RNF2: variants seen among roughly 807,000 people sequenced by gnomAD.
RNF2 encodes the protein E3 ubiquitin-protein ligase RING2.
Under a neutral mutation model 37.2 loss-of-function variants are expected in RNF2, and 6 were observed. That is an observed-to-expected ratio of 0.16 (90% CI 0.09 to 0.32). The LOEUF (loss-of-function observed/expected upper bound fraction) is 0.32, where lower values mean the gene tolerates loss of function less well. RNF2 is among the 10% of genes least tolerant of loss of function. The pLI, the probability that RNF2 is intolerant of heterozygous loss-of-function variation, is 1.00. For missense variants in RNF2, 251 were observed against 404.0 expected, an observed-to-expected ratio of 0.62 and a Z score of 3.25; for synonymous variants, 133 against 132.7, an observed-to-expected ratio of 1.00 and a Z score of -0.02.
chr1:185,073,975 C>T (rs1440118580), intron 1 of RNF2, among the ~76,000 whole-genome samples: 2 of 152,318 alleles, frequency 1.3e-5, no homozygotes, highest in East Asian at 3.9e-4. Context: ...AAGCCCATGC[C>T]TCATGTACTT....
At chr1:185,099,277 A>G (rs1652008648) in intron 5 of RNF2, among the ~76,000 whole-genome samples, 1 of 151,894 alleles carries the variant, frequency 6.6e-6, no homozygotes, top group South Asian at 2.1e-4. Context: ...CGAACTCCTG[A>G]CCTCAAGTGA....
rs535447445 is a variant in RNF2, at chr1:185,101,195, T to C, written c.*894T>C. 67 of 152,710 alleles carry C rather than the reference T, an allele frequency of 4.4e-4. No homozygotes were observed. Among genetic ancestry groups the C allele is most frequent in the African/African-American group, 1.5e-3 (62 of 41,586 alleles). 9.5% of individuals were successfully genotyped at this position (152,710 alleles called of 1,614,324 possible). A position where few individuals can be genotyped will look rare whatever the true frequency, so the allele number is the denominator to read the frequency against. ...TAGCCTTGATGAAAAGTACAAGATA[T>C]GTTCAAAGCTTCCCTAATTTTTTTC... On this transcript the variant is annotated 3_prime_UTR_variant, in exon 7 of 7. Transcript: ENST00000367510.
At chr1:185,090,318 A>C (rs560318441) in intron 2 of RNF2, among the ~76,000 whole-genome samples, 4 of 152,264 alleles carry the variant, frequency 2.6e-5, no homozygotes, top group Admixed American at 6.5e-5. Flanking sequence ...GGAGGAGAAC[A>C]TAGATGGTTG....
chr1:185,079,079 CT>C (rs58085875), intron 1 of RNF2, among the ~76,000 whole-genome samples: 195 of 130,278 alleles, frequency 1.5e-3, no homozygotes, highest in Middle Eastern at 4.2e-3. Context: ...TAGATCTTTT[CT>C]TTTTTTTTTT....
At chr1:185,077,621 C>CTTTTTTTTT (rs1553241118) in intron 1 of RNF2, among the ~76,000 whole-genome samples, 1 of 111,582 alleles carries the variant, frequency 9.0e-6, no homozygotes, top group African/African-American at 3.9e-5. Flanking sequence ...TAGGAATTAA[C>CTTTTTTTTT]TTTGTTTTTT....
chr1:185,072,815 CT>C (rs1472213635), intron 1 of RNF2, among the ~76,000 whole-genome samples: 2 of 152,106 alleles, frequency 1.3e-5, no homozygotes, highest in Non-Finnish European at 2.9e-5. Context: ...TGGCACGCGC[CT>C]GTAGTCCCAG....
At chr1:185,086,170 C>T (rs1651595559) in intron 1 of RNF2, among the ~76,000 whole-genome samples, 1 of 152,172 alleles carries the variant, frequency 6.6e-6, no homozygotes, top group South Asian at 2.1e-4. Context: ...CCCCAATCCA[C>T]CTCTATAATT....
intron 1 of RNF2, among the ~76,000 whole-genome samples, chr1:185,053,610 CTCA>C (rs1270327587): frequency 6.6e-6 from 1 of 152,124 alleles, no homozygotes; most frequent in Non-Finnish European, 1.5e-5. Flanking sequence ...TCCTTGGCCT[CTCA>C]AAGTGCTGGG....
Position 185,098,277 on chromosome 1 carries a change from A to T in RNF2, c.670A>T (p.Ser224Cys), listed in dbSNP as rs753487875. The T allele has an allele frequency of 6.2e-7, 1 of 1,614,204 alleles. No homozygotes were observed. The highest frequency in any genetic ancestry group is 8.5e-7 in the Non-Finnish European group (1 of 1,180,014). Reference sequence around the variant, plus strand: ...AATTGATCCAGTAATGGATGGTGCTAGTGAAATTGAATTAGTATTCAGGCC... The same window carrying T: ...AATTGATCCAGTAATGGATGGTGCTTGTGAAATTGAATTAGTATTCAGGCC... Reference protein sequence around the residue: ...MAIDPVMDGASEIELVFRPHP... With the variant: ...MAIDPVMDGACEIELVFRPHP... Residue 224 changes from serine to cysteine, a missense_variant, in exon 5 of 7, where the codon AGT becomes TGT. Around this residue, in one of 7 missense-constraint regions of RNF2, gnomAD observed 94 missense variants for 99.2 expected, o/e 0.95. Coordinates refer to ENST00000367510, the MANE Select transcript of RNF2 (RefSeq NM_007212.4).
intron 1 of RNF2, among the ~76,000 whole-genome samples, chr1:185,058,435 C>G (rs1422328464): frequency 2.0e-5 from 3 of 152,108 alleles, no homozygotes; most frequent in African/African-American, 7.2e-5. Flanking sequence ...TCCTTACTTT[C>G]ATCAGATTCT....
In RNF2 at chr1:185,066,713, A is replaced by G. The variant is rs187619214; in HGVS notation, c.-2-20839A>G. Among the ~76,000 whole-genome samples, 6 of 152,354 alleles carry G rather than the reference A, an allele frequency of 3.9e-5. No homozygotes were observed. In the East Asian group the frequency reaches 1.2e-3, roughly 29 times the overall value. On this transcript the variant is annotated intron_variant, in intron 1 of 6. Transcript: ENST00000367510. The stretch of plus-strand genomic sequence containing the variant: ...ATGGGTAGGCAAAGGGACAGAAAGA[A>G]AATAAGGCTGCTGCTGTTATAATTA...
chr1:185,059,183 A>C (rs1650526959), intron 1 of RNF2, among the ~76,000 whole-genome samples: 1 of 152,038 alleles, frequency 6.6e-6, no homozygotes, highest in African/African-American at 2.4e-5. Context: ...AATTGTTTCA[A>C]GAATGAAAAA....
At chr1:185,045,997 G>C (rs535536423) in intron 1 of RNF2, 1 of 152,052 alleles carries the variant, frequency 6.6e-6, no homozygotes, top group Non-Finnish European at 1.5e-5. Flanking sequence ...CGGTCCCCTC[G>C]CCTCCGGGGG....
At chr1:185,053,519 C>A (rs1650330701) in intron 1 of RNF2, among the ~76,000 whole-genome samples, 1 of 151,684 alleles carries the variant, frequency 6.6e-6, no homozygotes, top group Admixed American at 6.6e-5. Context: ...TTCTTTCTTT[C>A]TTTTTTCTTT....
chr1:185,046,731 A>G (rs141992737), intron 1 of RNF2, among the ~76,000 whole-genome samples: 1 of 152,192 alleles, frequency 6.6e-6, no homozygotes, highest in Non-Finnish European at 1.5e-5. Flanking sequence ...AAATTAAGGC[A>G]TGGTTTCAGT....
At chr1:185,052,726 C>T (rs142105320) in intron 1 of RNF2, among the ~76,000 whole-genome samples, 458 of 152,238 alleles carry the variant, frequency 3.0e-3, no homozygotes, top group Admixed American at 5.7e-3. Flanking sequence ...AGGTGACCAT[C>T]GTTTTAGGTG....
At chr1:185,045,962 C>T (rs1007701123) in intron 1 of RNF2, 1 of 152,250 alleles carries the variant, frequency 6.6e-6, no homozygotes, top group East Asian at 1.9e-4. Context: ...GCCCTTTCCT[C>T]TGCGCGGAGG....
At chr1:185,087,975 A>G (rs1282468062) in intron 2 of RNF2, among the ~76,000 whole-genome samples, 1 of 152,218 alleles carries the variant, frequency 6.6e-6, no homozygotes, top group Non-Finnish European at 1.5e-5. Context: ...TGTAATAAGT[A>G]CTGATAAGGC....
intron 1 of RNF2, among the ~76,000 whole-genome samples, chr1:185,075,117 C>A (rs1269645275): frequency 6.6e-6 from 1 of 152,094 alleles, no homozygotes; most frequent in Non-Finnish European, 1.5e-5. Flanking sequence ...GCCTTAGCCT[C>A]CCTAGTAGCT....
Sources: allele counts gnomAD v4.1 joint callset (sites outside exome capture counted in the v4.1 genomes callset), GRCh38; gene constraint gnomAD v4.1.1; regional missense constraint gnomAD v4.1.1; transcripts MANE v1.5; gene names NCBI Gene and HGNC (gene_info 2026-07-23, HGNC 2026-07-21).